Variants in RBFOX1 observed in about 807,000 individuals in gnomAD.
RBFOX1 encodes RNA binding fox-1 homolog 1.
RBFOX1 carries 8 observed loss-of-function variants against 57.7 expected under a neutral mutation model. The observed-to-expected ratio is 0.14, with a 90% CI of 0.08 to 0.25. The LOEUF is 0.25. Ranked by LOEUF, RBFOX1 falls within the 10% of genes least tolerant of loss-of-function variation. RBFOX1 has a pLI of 1.00. For synonymous variants in RBFOX1, 326 were observed against 222.4 expected (o/e 1.47, Z -4.15); for missense variants, 611 against 548.5 (o/e 1.11, Z -1.14).
chr16:7,696,065 C>G (rs1017608693), intron 14 of RBFOX1, among the ~76,000 whole-genome samples: 1 of 152,172 alleles, frequency 6.6e-6, no homozygotes, highest in Non-Finnish European at 1.5e-5. Flanking sequence ...TTACGTGGGT[C>G]TTGTGTCGAG....
intron 4 of RBFOX1, among the ~76,000 whole-genome samples, chr16:5,886,847 C>T (rs1289245488): frequency 6.6e-6 from 1 of 152,204 alleles, no homozygotes; most frequent in African/African-American, 2.4e-5. Context: ...GAGATTGTGC[C>T]ACAGCATTCT....
chr16:6,758,031 T>C (rs150900480), intron 3 of RBFOX1, among the ~76,000 whole-genome samples: 1 of 152,208 alleles, frequency 6.6e-6, no homozygotes, highest in South Asian at 2.1e-4. Context: ...GTCACACTTT[T>C]AAGAAGTCAG....
At chr16:7,464,356 C>G (rs997733043) in intron 4 of RBFOX1, among the ~76,000 whole-genome samples, 1 of 151,978 alleles carries the variant, frequency 6.6e-6, no homozygotes, top group Non-Finnish European at 1.5e-5. Context: ...GACTCTTTTC[C>G]AAAGGAATAT....
At chr16:5,652,648 A>G (rs2049278888) in intron 3 of RBFOX1, among the ~76,000 whole-genome samples, 1 of 152,150 alleles carries the variant, frequency 6.6e-6, no homozygotes, top group Non-Finnish European at 1.5e-5. Flanking sequence ...CACATTCAGA[A>G]GCTTAGCTGG....
intron 1 of RBFOX1, chr16:5,260,915 A>G (rs1338602219): frequency 6.6e-6 from 1 of 152,240 alleles, no homozygotes; most frequent in Non-Finnish European, 1.5e-5. Context: ...TAATATGAAG[A>G]TGACACCCAT....
chr16:7,383,618 G>T (rs1190847140), intron 4 of RBFOX1, among the ~76,000 whole-genome samples: 2 of 152,046 alleles, frequency 1.3e-5, no homozygotes, highest in African/African-American at 4.8e-5. Flanking sequence ...TCATATTTGA[G>T]AGCTGAGAAT....
chr16:6,705,680 T>C (rs2062611414), intron 3 of RBFOX1: 2 of 152,136 alleles, frequency 1.3e-5, no homozygotes, highest in Non-Finnish European at 1.5e-5. Context: ...ACAAAGCCAC[T>C]GTGATAGAGT....
intron 3 of RBFOX1, among the ~76,000 whole-genome samples, chr16:5,750,952 C>T (rs142059074): frequency 0.025 from 3,749 of 152,312 alleles, 160 homozygotes; most frequent in African/African-American, 0.083. Flanking sequence ...CTGCGTTGCT[C>T]ACGCTGGGAG....
chr16:6,014,626 CTG>C (rs2152341724), upstream of RBFOX1, among the ~76,000 whole-genome samples: 1 of 152,264 alleles, frequency 6.6e-6, no homozygotes, highest in South Asian at 2.1e-4. Context: ...CTCAGACTGA[CTG>C]TTTTAATTAG....
At chr16:5,271,414 A>C (rs2063003690) in intron 1 of RBFOX1, among the ~76,000 whole-genome samples, 1 of 152,218 alleles carries the variant, frequency 6.6e-6, no homozygotes. Context: ...ACCTCCGGTG[A>C]TTCCGACTCA....
chr16:6,216,255 C>A, intron 1 of RBFOX1, among the ~76,000 whole-genome samples: 1 of 152,022 alleles, frequency 6.6e-6, no homozygotes, highest in East Asian at 1.9e-4. Context: ...ATGGAACAAA[C>A]CTGCACATAT....
intron 5 of RBFOX1, among the ~76,000 whole-genome samples, chr16:7,556,963 TAAC>T (rs2088718433): frequency 6.6e-6 from 1 of 152,232 alleles, no homozygotes; most frequent in Non-Finnish European, 1.5e-5. Context: ...ATGCCTCTGT[TAAC>T]AACAACGACA....
At chr16:6,380,257 G>A (rs146103151) in intron 2 of RBFOX1, among the ~76,000 whole-genome samples, 2,310 of 152,146 alleles carry the variant, frequency 0.015, 31 homozygotes, top group Middle Eastern at 0.075. Context: ...GAATCAACTA[G>A]TGAAGAAAAC....
At chr16:6,800,615 A>C (rs1321725174) in intron 3 of RBFOX1, among the ~76,000 whole-genome samples, 2 of 152,150 alleles carry the variant, frequency 1.3e-5, no homozygotes, top group African/African-American at 4.8e-5. Flanking sequence ...AATTCAGGAT[A>C]CCAACATTTT....
intron 1 of RBFOX1, among the ~76,000 whole-genome samples, chr16:6,211,372 G>C (rs1643054593): frequency 1.3e-5 from 2 of 151,746 alleles, no homozygotes; most frequent in Non-Finnish European, 2.9e-5. Flanking sequence ...GAGACTACAG[G>C]TGCCCACCAC....
chr16:6,742,881 G>GAATT (rs1252128530), intron 3 of RBFOX1, among the ~76,000 whole-genome samples: 2 of 152,116 alleles, frequency 1.3e-5, no homozygotes, highest in African/African-American at 4.8e-5. Context: ...AATCTGTGGT[G>GAATT]AATTAGTTCT....
chr16:7,483,908 C>T (rs190544865), intron 4 of RBFOX1, among the ~76,000 whole-genome samples: 14 of 152,304 alleles, frequency 9.2e-5, no homozygotes, highest in Admixed American at 2.6e-4. Flanking sequence ...CTTAAGTGTA[C>T]AGTTTGAATT....
intron 3 of RBFOX1, among the ~76,000 whole-genome samples, chr16:5,837,700 G>A (rs2056505083): frequency 6.6e-6 from 1 of 150,928 alleles, no homozygotes; most frequent in Non-Finnish European, 1.5e-5. Context: ...CCCCATTCCT[G>A]TTTTACCTTT....
At chr16:6,940,763 AGTGTGTGTGTGTGTGTGTGTGTGTGTGT>A (rs61349150) in intron 3 of RBFOX1, among the ~76,000 whole-genome samples, 2 of 114,420 alleles carry the variant, frequency 1.7e-5, no homozygotes, top group African/African-American at 6.9e-5. Flanking sequence ...ATGTCCCGCT[AGTGTGTGTGTGTGTGTGTGTGTGTGTGT>A]GTGTGTGTGT....
Sources: gnomAD v4.1 joint callset for allele counts (sites outside exome capture counted in the v4.1 genomes callset) on GRCh38, gnomAD v4.1.1 for gene constraint, MANE v1.5 for transcripts, NCBI Gene and HGNC (gene_info 2026-07-23, HGNC 2026-07-21) for gene names.